CDKN2B-AS1: variants seen among roughly 807,000 people sequenced by gnomAD.
The protein encoded by CDKN2B-AS1 is CDKN2B and CDKN2A antisense cis and trans regulatory RNA 1.
rs1820815998 is a variant in CDKN2B-AS1 at position 21,999,144 on chromosome 9, CTTACTA to C, written n.29+3988_29+3993del. On this transcript the variant is annotated intron_variant and non_coding_transcript_variant, in intron 1 of 4. Transcript: ENST00000650946. This position sits in a 1 kb window ranked among gnomAD's most constrained non-coding sequence, Gnocchi z 4.7. ...ACAAAGTTGTCAGGAAACAATCACT[CTTACTA>C]TTACAACTTGGTGTAATTGTTTTGA... is the stretch of plus-strand genomic sequence containing the variant. Among the ~76,000 whole-genome samples the C allele has an allele frequency of 2.6e-5, 4 of 152,070 alleles. No homozygotes were observed. The South Asian group carries it at 8.3e-4, about 31-fold the overall frequency.
intron 4 of CDKN2B-AS1, among the ~76,000 whole-genome samples, chr9:22,085,040 G>A (rs1359835525): frequency 6.6e-6 from 1 of 152,096 alleles, no homozygotes; most frequent in Non-Finnish European, 1.5e-5. Context: ...TTAGTAGAGT[G>A]AACATTTTTC....
chr9:22,026,901 G>C (rs1196167011), intron 1 of CDKN2B-AS1, among the ~76,000 whole-genome samples: 3 of 152,126 alleles, frequency 2.0e-5, no homozygotes, highest in Non-Finnish European at 4.4e-5. Flanking sequence ...TGAGAGCAGT[G>C]TGGATTCCCA....
intron 1 of CDKN2B-AS1, among the ~76,000 whole-genome samples, chr9:22,013,537 G>T (rs1004563123): frequency 1.3e-5 from 2 of 151,898 alleles, no homozygotes; most frequent in Non-Finnish European, 2.9e-5. Flanking sequence ...CTGCTGCCTC[G>T]AATTCCTGGG....
In CDKN2B-AS1 at chr9:22,039,656, A is replaced by C. The variant is rs1320833161; in HGVS notation, n.30-7095A>C. On this transcript the variant is annotated intron_variant and non_coding_transcript_variant, in intron 1 of 4. Transcript: ENST00000650946. The surrounding 1 kb of genome is among the most constrained non-coding windows in gnomAD (Gnocchi z 4.4). ...TTTATATAGTCTCTTAAAAAAACAGATTATAGTAAGAAGTGGCTGAGCAAT... is the reference window on the plus strand; with the variant it reads ...TTTATATAGTCTCTTAAAAAAACAGCTTATAGTAAGAAGTGGCTGAGCAAT... Among the ~76,000 whole-genome samples the C allele has an allele frequency of 1.3e-5, 2 of 151,920 alleles. No individual in the cohort carries two copies. Among genetic ancestry groups the C allele is most frequent in the African/African-American group, 4.8e-5 (2 of 41,362 alleles).
chr9:22,103,178 T>TGG (rs1265093053), intron 4 of CDKN2B-AS1, among the ~76,000 whole-genome samples: 2 of 127,544 alleles, frequency 1.6e-5, no homozygotes, highest in African/African-American at 2.8e-5. Context: ...TGTGTGTGTG[T>TGG]GGTGCGTGAA....
At chr9:22,009,000 C>T (rs540255346) in intron 1 of CDKN2B-AS1, 2 of 1,613,308 alleles carry the variant, frequency 1.2e-6, no homozygotes, top group Non-Finnish European at 1.7e-6. Context: ...CACCGTTGGC[C>T]GTAAACTTAA....
At chr9:22,032,057 C>T (rs1178471628) in intron 1 of CDKN2B-AS1, among the ~76,000 whole-genome samples, 1 of 152,208 alleles carries the variant, frequency 6.6e-6, no homozygotes, top group Non-Finnish European at 1.5e-5. Context: ...ATGAGGCCCC[C>T]AGCCTTGGTA....
intron 4 of CDKN2B-AS1, among the ~76,000 whole-genome samples, chr9:22,076,813 C>G (rs1305309973): frequency 6.6e-6 from 1 of 152,212 alleles, no homozygotes; most frequent in Non-Finnish European, 1.5e-5. Flanking sequence ...TCACCTGAGC[C>G]TTGCGAGTAG....
intron 1 of CDKN2B-AS1, among the ~76,000 whole-genome samples, chr9:22,036,643 T>G (rs775702063): frequency 7.9e-5 from 12 of 152,156 alleles, no homozygotes; most frequent in Non-Finnish European, 1.5e-4. Flanking sequence ...TAAAAAGATT[T>G]ATGTTTGCCT....
chr9:22,085,012 A>T (rs1220625310), intron 4 of CDKN2B-AS1, among the ~76,000 whole-genome samples: 1 of 152,164 alleles, frequency 6.6e-6, no homozygotes, highest in Non-Finnish European at 1.5e-5. Flanking sequence ...GTGTTTTGGT[A>T]TGAGAACAGG....
chr9:22,030,860 T>C (rs1822438031), intron 1 of CDKN2B-AS1: 1 of 152,152 alleles, frequency 6.6e-6, no homozygotes, highest in Non-Finnish European at 1.5e-5. Context: ...GAACAAAAGA[T>C]ATAACTGTCT....
chr9:22,100,211 G>T (rs1018635002), intron 4 of CDKN2B-AS1, among the ~76,000 whole-genome samples: 7 of 152,254 alleles, frequency 4.6e-5, no homozygotes, highest in African/African-American at 1.7e-4. Context: ...CATGAATTCA[G>T]TGATTTTTAG....
At chr9:22,100,191 A>G (rs1825436375) in intron 4 of CDKN2B-AS1, among the ~76,000 whole-genome samples, 1 of 152,152 alleles carries the variant, frequency 6.6e-6, no homozygotes, top group African/African-American at 2.4e-5. Context: ...AATTTCACCC[A>G]TTTTAAGTGC....
At chr9:22,037,626 A>G (rs963410267) in intron 1 of CDKN2B-AS1, among the ~76,000 whole-genome samples, 6 of 152,006 alleles carry the variant, frequency 3.9e-5, no homozygotes, top group African/African-American at 1.4e-4. Context: ...AGCTTTCATG[A>G]CACTTCAAGA....
intron 4 of CDKN2B-AS1, among the ~76,000 whole-genome samples, chr9:22,063,240 T>C (rs956628713): frequency 1.3e-5 from 2 of 152,098 alleles, no homozygotes; most frequent in African/African-American, 4.8e-5. Context: ...CTGAGAACTT[T>C]GCTATTTAGT....
intron 4 of CDKN2B-AS1, chr9:22,117,485 AC>A (rs1459217542): frequency 6.6e-6 from 1 of 152,266 alleles, no homozygotes; most frequent in East Asian, 1.9e-4. Flanking sequence ...AAAAACAAAA[AC>A]AAAAAGCAGC....
chr9:22,060,503 A>G (rs897217684), intron 4 of CDKN2B-AS1, among the ~76,000 whole-genome samples: 1 of 152,128 alleles, frequency 6.6e-6, no homozygotes, highest in Non-Finnish European at 1.5e-5. Context: ...CATTAAACAA[A>G]TCTCTAGGAA....
chr9:22,014,424 C>T (rs1031171237), intron 1 of CDKN2B-AS1, among the ~76,000 whole-genome samples: 1 of 152,096 alleles, frequency 6.6e-6, no homozygotes, highest in Admixed American at 6.6e-5. Flanking sequence ...TTCAGCCTCC[C>T]AAAGTGTTGG....
At chr9:22,092,722 T>C (rs958244194) in intron 4 of CDKN2B-AS1, among the ~76,000 whole-genome samples, 12 of 152,304 alleles carry the variant, frequency 7.9e-5, no homozygotes, top group African/African-American at 2.9e-4. Context: ...TTTTCTTCTT[T>C]ATTAATCTTG....
Sources: gnomAD v4.1 joint callset for allele counts (sites outside exome capture counted in the v4.1 genomes callset) on GRCh38, gnomAD v4.1.1 for gene constraint, Gnocchi (gnomAD v3.1) non-coding constraint, MANE v1.5 for transcripts, NCBI Gene and HGNC (gene_info 2026-07-23, HGNC 2026-07-21) for gene names.